SYNPR: variants seen among roughly 807,000 people sequenced by gnomAD.
The protein encoded by SYNPR is synaptoporin.
A neutral mutation model predicts 32.9 loss-of-function variants in SYNPR; 23 were observed. That is an observed-to-expected ratio of 0.70 (90% CI 0.50 to 0.99). SYNPR has a LOEUF of 0.99. Ranked by LOEUF, SYNPR falls within the 50% of genes least tolerant of loss-of-function variation. The pLI is 0.00. For missense variants in SYNPR, 318 were observed against 349.3 expected (o/e 0.91, Z 0.71); for synonymous variants, 146 against 135.9 (o/e 1.07, Z -0.52).
In SYNPR at chr3:63,372,973, C is replaced by A. The variant is rs114401114; in HGVS notation, c.84+94231C>A. Among the ~76,000 whole-genome samples the A allele has an allele frequency of 3.2e-3, 483 of 152,284 alleles. 2 individuals carry two copies. Among genetic ancestry groups the A allele is most frequent in the Middle Eastern group, 0.031 (9 of 294 alleles). Reference sequence around the variant, plus strand: ...CAGCCCAAACTTCAACACCAAAAATCCTTTGATAATGTACTCCCTTGTGAA... The same window carrying A: ...CAGCCCAAACTTCAACACCAAAAATACTTTGATAATGTACTCCCTTGTGAA... On this transcript the variant is annotated intron_variant, in intron 2 of 5. Transcript: ENST00000478300.
At chr3:63,494,476 TAC>T (rs765467218) in intron 3 of SYNPR, among the ~76,000 whole-genome samples, 1 of 118,406 alleles carries the variant, frequency 8.4e-6, no homozygotes, top group African/African-American at 3.4e-5. Context: ...TACACATATA[TAC>T]ATATATATAC....
At chr3:63,378,683 C>T (rs1474226882) in intron 2 of SYNPR, among the ~76,000 whole-genome samples, 1 of 151,978 alleles carries the variant, frequency 6.6e-6, no homozygotes, top group Admixed American at 6.6e-5. Flanking sequence ...CCTGTATTAT[C>T]TTATCCTCTT....
chr3:63,521,605 G>A (rs986348463), intron 3 of SYNPR, among the ~76,000 whole-genome samples: 7 of 152,264 alleles, frequency 4.6e-5, no homozygotes, highest in Middle Eastern at 3.4e-3. Flanking sequence ...TAGTCACTAC[G>A]TTGGAGTATT....
intron 2 of SYNPR, among the ~76,000 whole-genome samples, chr3:63,463,019 T>A (rs1387743593): frequency 6.6e-6 from 1 of 152,124 alleles, no homozygotes; most frequent in Non-Finnish European, 1.5e-5. Flanking sequence ...GCCACTGATA[T>A]GATGTTTTGG....
intron 2 of SYNPR, among the ~76,000 whole-genome samples, chr3:63,454,132 T>C (rs1217814441): frequency 1.3e-5 from 2 of 152,054 alleles, no homozygotes; most frequent in Non-Finnish European, 1.5e-5. Context: ...TTATATGCTA[T>C]ATGGAGGGGT....
At chr3:63,586,648 G>A (rs1273153960) in intron 4 of SYNPR, among the ~76,000 whole-genome samples, 1 of 137,886 alleles carries the variant, frequency 7.3e-6, no homozygotes, top group Non-Finnish European at 1.5e-5. Flanking sequence ...TCTTCTTGCA[G>A]ATTCAATGTG....
At chr3:63,386,407 G>T (rs555179763) in intron 2 of SYNPR, among the ~76,000 whole-genome samples, 1 of 152,328 alleles carries the variant, frequency 6.6e-6, no homozygotes, top group African/African-American at 2.4e-5. Context: ...GCAGTGCCAA[G>T]TTCTGGAGTA....
intron 2 of SYNPR, among the ~76,000 whole-genome samples, chr3:63,397,774 A>C (rs185661168): frequency 6.6e-6 from 1 of 152,250 alleles, no homozygotes; most frequent in East Asian, 1.9e-4. Context: ...CCTTCATCTC[A>C]TCTGAAAAAT....
At chr3:63,478,233 G>T (rs1313294578) in intron 2 of SYNPR, among the ~76,000 whole-genome samples, 1 of 152,114 alleles carries the variant, frequency 6.6e-6, no homozygotes, top group Admixed American at 6.5e-5. Context: ...TTTATTATAT[G>T]ATGGTATTAA....
the SYNPR span, among the ~76,000 whole-genome samples, chr3:63,200,803 G>A: frequency 1.3e-5 from 2 of 152,172 alleles, no homozygotes; most frequent in Admixed American, 1.3e-4. Flanking sequence ...GCATTTTGAA[G>A]CCAGCTCCCT....
chr3:63,525,045 C>A (rs1701987295), intron 3 of SYNPR, among the ~76,000 whole-genome samples: 1 of 151,964 alleles, frequency 6.6e-6, no homozygotes, highest in East Asian at 1.9e-4. Context: ...CAGATAGCAC[C>A]ACTAAATGCA....
chr3:63,420,659 A>G (rs1699776742), intron 2 of SYNPR, among the ~76,000 whole-genome samples: 1 of 152,220 alleles, frequency 6.6e-6, no homozygotes, highest in Non-Finnish European at 1.5e-5. Context: ...AAAACAAGTA[A>G]TAAAAGCAAA....
chr3:63,612,571 T>A (rs908635369), intron 5 of SYNPR, among the ~76,000 whole-genome samples: 1 of 152,170 alleles, frequency 6.6e-6, no homozygotes, highest in Non-Finnish European at 1.5e-5. Context: ...AATCACATTC[T>A]TACCCCAATT....
chr3:63,452,451 G>T (rs1261502581), intron 2 of SYNPR, among the ~76,000 whole-genome samples: 1 of 152,152 alleles, frequency 6.6e-6, no homozygotes, highest in Non-Finnish European at 1.5e-5. Flanking sequence ...GAAGTTAAAA[G>T]AGGAGAGGAT....
chr3:63,433,148 C>A (rs1249176787), intron 2 of SYNPR, among the ~76,000 whole-genome samples: 2 of 152,186 alleles, frequency 1.3e-5, no homozygotes. Context: ...GGGTCTAAGG[C>A]TGACTTTCCT....
chr3:63,257,904 GC>G (rs1436756651), intron 2 of SYNPR, among the ~76,000 whole-genome samples: 1 of 152,090 alleles, frequency 6.6e-6, no homozygotes, highest in Non-Finnish European at 1.5e-5. Context: ...ACAAAAAAAG[GC>G]AGGGGTTGCA....
intron 4 of SYNPR, among the ~76,000 whole-genome samples, chr3:63,587,885 A>G (rs987570072): frequency 1.3e-5 from 2 of 152,058 alleles, no homozygotes; most frequent in Non-Finnish European, 2.9e-5. Flanking sequence ...AGCTGGGACT[A>G]CAGACGGGTG....
At chr3:63,283,403 G>A (rs2086647947) in intron 2 of SYNPR, among the ~76,000 whole-genome samples, 1 of 152,120 alleles carries the variant, frequency 6.6e-6, no homozygotes, top group Non-Finnish European at 1.5e-5. Context: ...ACTTAAATGA[G>A]GTCAGGGTAC....
chr3:63,461,787 G>A (rs143844597), intron 2 of SYNPR, among the ~76,000 whole-genome samples: 6 of 151,978 alleles, frequency 3.9e-5, no homozygotes, highest in African/African-American at 1.2e-4. Flanking sequence ...ACCATGCTAT[G>A]AACCTCAGTT....
Sources: allele counts gnomAD v4.1 joint callset (sites outside exome capture counted in the v4.1 genomes callset), GRCh38; gene constraint gnomAD v4.1.1; transcripts MANE v1.5; gene names NCBI Gene and HGNC (gene_info 2026-07-23, HGNC 2026-07-21).